Variants in SLC39A11 observed in about 807,000 individuals in gnomAD.
The protein encoded by SLC39A11 is zinc transporter ZIP11.
Under a neutral mutation model 36.1 loss-of-function variants are expected in SLC39A11, and 33 were observed. That is an observed-to-expected ratio of 0.91 (90% CI 0.69 to 1.22). SLC39A11 has a LOEUF of 1.22. SLC39A11 is among the 50% of genes most tolerant of loss of function. The pLI is 0.00. For synonymous variants in SLC39A11, 166 were observed against 170.3 expected, an observed-to-expected ratio of 0.97 and a Z score of 0.20; for missense variants, 432 against 430.3, an observed-to-expected ratio of 1.00 and a Z score of -0.03.
At chr17:72,986,556 G>A (rs113127877) in intron 4 of SLC39A11, among the ~76,000 whole-genome samples, 1 of 152,200 alleles carries the variant, frequency 6.6e-6, no homozygotes, top group African/African-American at 2.4e-5. Context: ...TCCACCCCCA[G>A]CTAGCCCGAG....
At chr17:72,924,449 G>T (rs892912276) in intron 5 of SLC39A11, among the ~76,000 whole-genome samples, 1 of 151,950 alleles carries the variant, frequency 6.6e-6, no homozygotes, top group African/African-American at 2.4e-5. Flanking sequence ...ACTGGCCCAG[G>T]GAGTAACTAA....
chr17:72,861,261 T>C (rs1365873740), intron 5 of SLC39A11, among the ~76,000 whole-genome samples: 1 of 152,142 alleles, frequency 6.6e-6, no homozygotes, highest in Non-Finnish European at 1.5e-5. Flanking sequence ...TAAAATTCCA[T>C]GTTCACGCTG....
chr17:72,676,748 ACTTATGG>A (rs1298165617), intron 7 of SLC39A11, among the ~76,000 whole-genome samples: 23 of 152,300 alleles, frequency 1.5e-4, no homozygotes, highest in African/African-American at 3.8e-4. Flanking sequence ...TGCTCGCTTC[ACTTATGG>A]AAGTCTAGAC....
chr17:73,052,647 A>G (rs2059544504), intron 3 of SLC39A11, among the ~76,000 whole-genome samples: 1 of 152,200 alleles, frequency 6.6e-6, no homozygotes, highest in Admixed American at 6.5e-5. Context: ...AATGTGGGAG[A>G]AAATGTCTCA....
At chr17:72,675,713 C>T (rs1403044481) in intron 7 of SLC39A11, among the ~76,000 whole-genome samples, 2 of 152,028 alleles carry the variant, frequency 1.3e-5, no homozygotes, top group Non-Finnish European at 2.9e-5. Context: ...GATGGTGTTT[C>T]ACTCTTGTTG....
At chr17:72,803,632 AT>A in intron 6 of SLC39A11, among the ~76,000 whole-genome samples, 1 of 152,116 alleles carries the variant, frequency 6.6e-6, no homozygotes, top group Admixed American at 6.5e-5. Context: ...CCACTGAGAG[AT>A]GACTCCGCTC....
At chr17:72,822,660 A>G (rs1055150084) in intron 6 of SLC39A11, among the ~76,000 whole-genome samples, 2 of 151,228 alleles carry the variant, frequency 1.3e-5, no homozygotes, top group African/African-American at 4.8e-5. Context: ...TGAAACAGGG[A>G]AAGAGGACAG....
chr17:72,770,856 T>C (rs2075908900), intron 6 of SLC39A11, among the ~76,000 whole-genome samples: 1 of 152,214 alleles, frequency 6.6e-6, no homozygotes, highest in Admixed American at 6.5e-5. Context: ...ACATGTGTAA[T>C]AAGCTCCTGC....
intron 3 of SLC39A11, among the ~76,000 whole-genome samples, chr17:73,046,403 G>A (rs769773935): frequency 1.3e-5 from 2 of 152,136 alleles, no homozygotes; most frequent in East Asian, 1.9e-4. Context: ...GAAGGCAGGA[G>A]GTAAGGAGTG....
At chr17:73,091,665 T>G (rs899974279) in intron 1 of SLC39A11, among the ~76,000 whole-genome samples, 1 of 152,144 alleles carries the variant, frequency 6.6e-6, no homozygotes, top group African/African-American at 2.4e-5. Context: ...GTAACAACTT[T>G]AGGACACAGC....
chr17:72,730,738 T>A (rs1350568000), intron 7 of SLC39A11, among the ~76,000 whole-genome samples: 1 of 152,156 alleles, frequency 6.6e-6, no homozygotes, highest in Admixed American at 6.5e-5. Flanking sequence ...CAGCTCACTG[T>A]AGCCTTGACC....
chr17:73,056,019 G>C (rs1017990258), intron 3 of SLC39A11, among the ~76,000 whole-genome samples: 4 of 152,064 alleles, frequency 2.6e-5, no homozygotes, highest in African/African-American at 9.7e-5. Flanking sequence ...TGATACTTTT[G>C]GTGCCCACTA....
intron 7 of SLC39A11, among the ~76,000 whole-genome samples, chr17:72,682,360 T>C (rs1383586972): frequency 7.7e-6 from 1 of 129,378 alleles, no homozygotes; most frequent in East Asian, 2.4e-4. Flanking sequence ...ACCAAAAAGG[T>C]TGGAGACTGC....
chr17:72,697,218 G>A (rs1354492931), intron 7 of SLC39A11, among the ~76,000 whole-genome samples: 1 of 152,134 alleles, frequency 6.6e-6, no homozygotes, highest in Admixed American at 6.5e-5. Flanking sequence ...GAGTAGTTGG[G>A]ACTACAAGTG....
intron 7 of SLC39A11, among the ~76,000 whole-genome samples, chr17:72,705,481 C>A (rs1419008980): frequency 6.6e-6 from 1 of 152,142 alleles, no homozygotes; most frequent in Non-Finnish European, 1.5e-5. Flanking sequence ...CACAATGTAC[C>A]CTTGACACCA....
At chr17:72,971,216 T>G (rs2087424017) in intron 4 of SLC39A11, among the ~76,000 whole-genome samples, 1 of 152,122 alleles carries the variant, frequency 6.6e-6, no homozygotes, top group African/African-American at 2.4e-5. Context: ...GGTTGAGAAC[T>G]TGAACTAAAA....
At chr17:72,701,526 G>A (rs142199264) in intron 7 of SLC39A11, among the ~76,000 whole-genome samples, 3 of 152,140 alleles carry the variant, frequency 2.0e-5, no homozygotes, top group South Asian at 2.1e-4. Flanking sequence ...TCAGGAGTTC[G>A]AGACCAGCCT....
chr17:73,063,601 C>A (rs1264967611), intron 3 of SLC39A11, among the ~76,000 whole-genome samples: 1 of 151,398 alleles, frequency 6.6e-6, no homozygotes, highest in Non-Finnish European at 1.5e-5. Context: ...GGTAACAGAG[C>A]AAGGCTCATC....
At chr17:73,007,071 G>C (rs1337557449) in intron 4 of SLC39A11, among the ~76,000 whole-genome samples, 1 of 152,172 alleles carries the variant, frequency 6.6e-6, no homozygotes, top group Non-Finnish European at 1.5e-5. Flanking sequence ...CAGCGACATG[G>C]GCAGCTAAGC....
Sources: gnomAD v4.1 joint callset for allele counts (sites outside exome capture counted in the v4.1 genomes callset) on GRCh38, gnomAD v4.1.1 for gene constraint, MANE v1.5 for transcripts, NCBI Gene and HGNC (gene_info 2026-07-23, HGNC 2026-07-21) for gene names.